Variants in SOX5 observed in about 807,000 individuals in gnomAD.
SOX5 encodes the protein SRY-box transcription factor 5, also known as transcription factor SOX-5.
SOX5 carries 9 observed loss-of-function variants against 92.0 expected under a neutral mutation model. The observed-to-expected ratio is 0.10, with a 90% CI of 0.06 to 0.17. The LOEUF is 0.17. SOX5 is among the 10% of genes least tolerant of loss of function. The probability of loss-of-function intolerance (pLI) is 1.00; values close to 1 mark genes in which losing one functional copy is unlikely to be tolerated. For synonymous variants in SOX5, 344 were observed against 336.3 expected (o/e 1.02, Z -0.25); for missense variants, 642 against 944.5 (o/e 0.68, Z 4.20).
intron 4 of SOX5, among the ~76,000 whole-genome samples, chr12:24,026,695 T>C (rs939206844): frequency 1.3e-5 from 2 of 151,032 alleles, no homozygotes; most frequent in Non-Finnish European, 2.9e-5. Flanking sequence ...TTAAATTGTA[T>C]GCATAGAGTT....
At chr12:24,051,565 T>G (rs1211799584) in intron 4 of SOX5, among the ~76,000 whole-genome samples, 1 of 152,170 alleles carries the variant, frequency 6.6e-6, no homozygotes, top group Non-Finnish European at 1.5e-5. Flanking sequence ...TTTAAGTAAT[T>G]TTTTACATTT....
chr12:23,930,173 G>A lies in SOX5; in HGVS notation c.38+19391C>T, dbSNP rs12828956. Among the ~76,000 whole-genome samples the A allele has an allele frequency of 5.4e-3, 814 of 151,948 alleles. 5 individuals are homozygous for A. Among genetic ancestry groups the A allele is most frequent in the Non-Finnish European group, 8.6e-3 (582 of 67,888 alleles). ...GGCAACATGCAGAGAAAATGGCTAA[G>A]TTGTTCACACTGGTAAAGCAGACTT... is the stretch of plus-strand genomic sequence containing the variant. On this transcript the variant is annotated intron_variant, in intron 1 of 14. Coordinates refer to ENST00000451604, the MANE Select transcript of SOX5 (RefSeq NM_006940.6).
chr12:24,349,479 T>C (rs1953786276), intron 2 of SOX5, among the ~76,000 whole-genome samples: 2 of 152,216 alleles, frequency 1.3e-5, no homozygotes, highest in African/African-American at 4.8e-5. Flanking sequence ...TCTGTCTCTA[T>C]GATTTTGACT....
chr12:24,333,243 C>CA lies in SOX5; in HGVS notation c.-174+35319dup, dbSNP rs76791699. On this transcript the variant is annotated intron_variant, in intron 2 of 4. Coordinates refer to the SOX5 transcript ENST00000446891. Reference sequence around the variant, plus strand: ...ATGCTAAACTGGACAAACTTACCAGCAAAAAAAGTATAGATGATGATTTTG... The same window carrying CA: ...ATGCTAAACTGGACAAACTTACCAGCAAAAAAAAGTATAGATGATGATTTTG... Among the ~76,000 whole-genome samples the CA allele has an allele frequency of 0.047, 7,138 of 151,582 alleles. 896 individuals are homozygous for CA. In the East Asian group the frequency reaches 0.53, roughly 11 times the overall value.
chr12:24,385,925 A>AT (rs1958349364), intron 1 of SOX5, among the ~76,000 whole-genome samples: 12 of 97,492 alleles, frequency 1.2e-4, no homozygotes, highest in Admixed American at 1.2e-3. Context: ...AGACCTTGTC[A>AT]CAAAAAAAAA....
intron 4 of SOX5, among the ~76,000 whole-genome samples, chr12:23,976,377 A>T (rs1267089433): frequency 1.5e-5 from 2 of 136,774 alleles, no homozygotes; most frequent in Non-Finnish European, 3.1e-5. Flanking sequence ...CATTTCTAAG[A>T]GGTGAACACT....
At chr12:24,262,986 C>T (rs1942390840) in intron 3 of SOX5, among the ~76,000 whole-genome samples, 1 of 152,098 alleles carries the variant, frequency 6.6e-6, no homozygotes, top group South Asian at 2.1e-4. Flanking sequence ...CTCTGGGAGG[C>T]TGAGGTGGGC....
At chr12:24,333,663 T>C (rs1951576410) in intron 2 of SOX5, among the ~76,000 whole-genome samples, 1 of 152,060 alleles carries the variant, frequency 6.6e-6, no homozygotes, top group Non-Finnish European at 1.5e-5. Flanking sequence ...CTTTCTGTCT[T>C]AATACAACAG....
chr12:23,913,388 C>T (rs994014304), intron 1 of SOX5, among the ~76,000 whole-genome samples: 2 of 150,900 alleles, frequency 1.3e-5, no homozygotes, highest in African/African-American at 4.9e-5. Context: ...TTTCTCTTTG[C>T]CACATCAACT....
At chr12:24,302,022 T>C (rs779692542) in intron 2 of SOX5, among the ~76,000 whole-genome samples, 1 of 152,156 alleles carries the variant, frequency 6.6e-6, no homozygotes, top group Non-Finnish European at 1.5e-5. Context: ...AAAATCTCAA[T>C]ATCTTTAGTG....
At chr12:23,687,046 G>A (rs949911709) in intron 6 of SOX5, among the ~76,000 whole-genome samples, 1 of 151,874 alleles carries the variant, frequency 6.6e-6, no homozygotes, top group African/African-American at 2.4e-5. Flanking sequence ...TTTGGCATAG[G>A]GTTTATGTTA....
At chr12:23,578,143 A>AAAAAAAAAAAAAAAAAAAAAT (rs1321080744) in intron 9 of SOX5, among the ~76,000 whole-genome samples, 1 of 126,114 alleles carries the variant, frequency 7.9e-6, no homozygotes, top group Non-Finnish European at 1.7e-5. Context: ...AAAAAAAAAA[A>AAAAAAAAAAAAAAAAAAAAAT]AAAAAAACTA....
chr12:23,784,582 T>A (rs1298400935), intron 3 of SOX5, among the ~76,000 whole-genome samples: 3 of 152,182 alleles, frequency 2.0e-5, no homozygotes, highest in African/African-American at 7.2e-5. Flanking sequence ...TGCCTTGGCC[T>A]CCCAAAGTGC....
intron 11 of SOX5, among the ~76,000 whole-genome samples, chr12:23,562,703 T>C (rs1296903683): frequency 6.6e-6 from 1 of 152,234 alleles, no homozygotes; most frequent in Non-Finnish European, 1.5e-5. Context: ...GAAGTTTCAC[T>C]GGCCTTAGTT....
At chr12:23,880,398 G>T (rs75642372) in intron 2 of SOX5, among the ~76,000 whole-genome samples, 1 of 152,074 alleles carries the variant, frequency 6.6e-6, no homozygotes, top group Non-Finnish European at 1.5e-5. Context: ...AGCACTTACT[G>T]AGTAAGAAAA....
intron 2 of SOX5, among the ~76,000 whole-genome samples, chr12:24,355,651 T>G (rs11047388): frequency 0.25 from 38,758 of 152,172 alleles, 6,098 homozygotes; most frequent in Non-Finnish European, 0.36. Flanking sequence ...ACTGTTTATT[T>G]TTCCTAATTA....
At chr12:23,767,697 G>A (rs919493598) in intron 3 of SOX5, among the ~76,000 whole-genome samples, 6 of 151,974 alleles carry the variant, frequency 3.9e-5, no homozygotes, top group African/African-American at 1.5e-4. Context: ...GTAACTGAGA[G>A]GAAAACATGA....
intron 2 of SOX5, among the ~76,000 whole-genome samples, chr12:24,294,831 C>A (rs948378413): frequency 3.9e-5 from 6 of 152,184 alleles, no homozygotes; most frequent in African/African-American, 1.4e-4. Context: ...TTAGGAAAAT[C>A]TAATCTACAA....
intron 1 of SOX5, among the ~76,000 whole-genome samples, chr12:24,554,430 G>A (rs1953549839): frequency 1.3e-5 from 2 of 152,114 alleles, no homozygotes. Context: ...AGCAACCCGT[G>A]CTCACTCTTC....
Sources: gnomAD v4.1 joint callset for allele counts (sites outside exome capture counted in the v4.1 genomes callset) on GRCh38, gnomAD v4.1.1 for gene constraint, MANE v1.5 for transcripts, NCBI Gene and HGNC (gene_info 2026-07-23, HGNC 2026-07-21) for gene names.